Variants in RASL12 observed in about 807,000 individuals in gnomAD.
The protein encoded by RASL12 is ras-like protein family member 12.
RASL12 carries 16 observed loss-of-function variants against 22.9 expected under a neutral mutation model. That is an observed-to-expected ratio of 0.70 (90% CI 0.47 to 1.06). RASL12 has a LOEUF of 1.06. Among genes scored for constraint, RASL12 ranks in the 50% least tolerant of loss-of-function variants. The pLI, the probability that RASL12 is intolerant of heterozygous loss-of-function variation, is 0.00. For missense variants in RASL12, 306 were observed against 353.1 expected, an observed-to-expected ratio of 0.87 and a Z score of 1.07; for synonymous variants, 159 against 152.2, an observed-to-expected ratio of 1.04 and a Z score of -0.33.
intron 1 of RASL12, among the ~76,000 whole-genome samples, chr15:65,065,569 C>T (rs1397373418): frequency 6.6e-6 from 1 of 152,018 alleles, no homozygotes; most frequent in African/African-American, 2.4e-5. Flanking sequence ...GGGTCAGGAC[C>T]CATGCAACCA....
downstream of RASL12, among the ~76,000 whole-genome samples, chr15:65,048,724 T>C (rs2086607632): frequency 6.6e-6 from 1 of 152,184 alleles, no homozygotes; most frequent in African/African-American, 2.4e-5. Flanking sequence ...AAATGTGTTA[T>C]TGGGTCAGGC....
intron 4 of RASL12, among the ~76,000 whole-genome samples, chr15:65,057,565 A>C (rs769846528): frequency 1.3e-3 from 199 of 152,286 alleles, no homozygotes; most frequent in Non-Finnish European, 1.9e-3. Flanking sequence ...TGGCTGCAGT[A>C]TTCTTCAGTA....
chr15:65,063,930 A>G (rs2086844775), intron 2 of RASL12, among the ~76,000 whole-genome samples: 1 of 152,108 alleles, frequency 6.6e-6, no homozygotes, highest in South Asian at 2.1e-4. Context: ...ACTGTGTCAC[A>G]AAGCCTTGGG....
At position 65,066,116 on chromosome 15, in the gene RASL12, A is replaced by G. The variant is rs532174699; in HGVS notation, c.104-843T>C. 6.1e-4 allele frequency among the ~76,000 whole-genome samples: 93 copies of G among 151,544 alleles called. 1 individual carries two copies. The highest frequency in any genetic ancestry group is 2.2e-3 in the African/African-American group (89 of 41,340). ...GAGAAGGAAAGAGAAAGAAAGAAGAAAGAGAGAGAAAGAAGAAAGAAAAAA... is the reference window on the plus strand; with the variant it reads ...GAGAAGGAAAGAGAAAGAAAGAAGAGAGAGAGAGAAAGAAGAAAGAAAAAA... On this transcript the variant is annotated intron_variant, in intron 1 of 4. Coordinates refer to ENST00000220062, the MANE Select transcript of RASL12 (RefSeq NM_016563.4).
At chr15:65,048,641 A>G (rs1312528765), downstream of RASL12, among the ~76,000 whole-genome samples, 3 of 152,150 alleles carry the variant, frequency 2.0e-5, no homozygotes, top group Non-Finnish European at 4.4e-5. Context: ...AGTTACGTTT[A>G]TCTCCATTCC....
At chr15:65,075,060 GC>G (rs1462408621) in intron 1 of RASL12, among the ~76,000 whole-genome samples, 1 of 152,204 alleles carries the variant, frequency 6.6e-6, no homozygotes, top group Non-Finnish European at 1.5e-5. Context: ...TGCGTGTGGC[GC>G]TTGCGGGCCA....
intron 4 of RASL12, among the ~76,000 whole-genome samples, chr15:65,057,811 T>C (rs2086750913): frequency 6.6e-6 from 1 of 152,176 alleles, no homozygotes; most frequent in South Asian, 2.1e-4. Context: ...GAAGGTCAGA[T>C]AGATTCATGC....
chr15:65,049,082 T>A (rs1318363626), downstream of RASL12: 2 of 151,918 alleles, frequency 1.3e-5, no homozygotes, highest in East Asian at 3.9e-4. Context: ...TTGTCAAAAT[T>A]AATTTTACCT....
intron 4 of RASL12, among the ~76,000 whole-genome samples, chr15:65,056,248 G>A (rs1331195801): frequency 6.6e-6 from 1 of 152,194 alleles, no homozygotes; most frequent in Non-Finnish European, 1.5e-5. Flanking sequence ...GATGAGAGGA[G>A]GCACTCGAGT....
At chr15:65,048,882 C>T (rs964671026), downstream of RASL12, among the ~76,000 whole-genome samples, 2 of 151,882 alleles carry the variant, frequency 1.3e-5, no homozygotes, top group Admixed American at 6.6e-5. Flanking sequence ...TAGTGACATG[C>T]GCCTGTAATT....
downstream of RASL12, chr15:65,051,439 C>T (rs2086651546): frequency 2.1e-6 from 3 of 1,424,122 alleles, no homozygotes; most frequent in South Asian, 1.2e-5. Context: ...GGGTCTGAGC[C>T]CAGGCCCCAG....
downstream of RASL12, among the ~76,000 whole-genome samples, chr15:65,050,901 G>A (rs2086645478): frequency 2.9e-5 from 4 of 136,520 alleles, no homozygotes; most frequent in Admixed American, 3.3e-4. Context: ...CTGGAGTGCA[G>A]TGGTGCAATC....
intron 4 of RASL12, 75 bp from the exon 5 acceptor site, chr15:65,055,349 A>G: frequency 7.3e-7 from 1 of 1,365,160 alleles, no homozygotes; most frequent in African/African-American, 1.5e-5. Flanking sequence ...TCCTACACCC[A>G]GCGCCCCATG....
chr15:65,075,709 T>C lies in RASL12; in HGVS notation c.70+820A>G, dbSNP rs958617654. On this transcript the variant is annotated intron_variant, in intron 1 of 4. Transcript: ENST00000434605. The stretch of plus-strand genomic sequence containing the variant: ...GCTCAGGGATTGTAAATACACCAAT[T>C]GGCACTCTGTATCTAGCTCAAGGTT... 6.4e-3 allele frequency among the ~76,000 whole-genome samples: 717 copies of C among 111,418 alleles called. 1 individual carries two copies. Among genetic ancestry groups the C allele is most frequent in the Non-Finnish European group, 7.6e-3 (397 of 52,126 alleles). The allele number at this position is 111,418 out of a possible 152,430, so 73.1% of individuals were successfully genotyped here. A position where few individuals can be genotyped will look rare whatever the true frequency, so the allele number is the denominator to read the frequency against.
At chr15:65,063,837 C>T (rs1319615625) in intron 2 of RASL12, among the ~76,000 whole-genome samples, 1 of 152,220 alleles carries the variant, frequency 6.6e-6, no homozygotes, top group Non-Finnish European at 1.5e-5. Flanking sequence ...GGGCTGGGCA[C>T]CACTAGGGTA....
At chr15:65,063,722 AG>A (rs35358771) in intron 2 of RASL12, among the ~76,000 whole-genome samples, 55,203 of 152,160 alleles carry the variant, frequency 0.36, 10,883 homozygotes, top group South Asian at 0.55. Flanking sequence ...ATCTGGAAGA[AG>A]GGATTCTGCT....
At chr15:65,073,255 C>T (rs2086943834) in intron 1 of RASL12, among the ~76,000 whole-genome samples, 2 of 152,090 alleles carry the variant, frequency 1.3e-5, no homozygotes, top group Admixed American at 6.6e-5. Context: ...ATTTATTGTG[C>T]ATTTTATTTC....
rs1478173906 is a variant in RASL12, at chr15:65,054,820, G to C, written c.*79C>G. ...GGGTCTGCTGTCCATCAGACGGAAA[G>C]GCTGGTGGTGAGAAGCCAGTCCCTG... On this transcript the variant is annotated 3_prime_UTR_variant, in exon 5 of 5. Transcript: ENST00000220062. 6.5e-7 allele frequency: 1 copy of C among 1,531,230 alleles called. No individual in the cohort carries two copies. Among genetic ancestry groups the C allele is most frequent in the Non-Finnish European group, 8.8e-7 (1 of 1,140,420 alleles). The allele number at this position is 1,531,230 out of a possible 1,614,324, so 94.9% of individuals were successfully genotyped here.
At chr15:65,070,200 G>A (rs2086921927), upstream of RASL12, among the ~76,000 whole-genome samples, 1 of 152,236 alleles carries the variant, frequency 6.6e-6, no homozygotes, top group Admixed American at 6.5e-5. Flanking sequence ...CCCAGGAGAT[G>A]GAGGCTGCAA....
Sources: allele counts gnomAD v4.1 joint callset (sites outside exome capture counted in the v4.1 genomes callset), GRCh38; gene constraint gnomAD v4.1.1; transcripts MANE v1.5; gene names NCBI Gene and HGNC (gene_info 2026-07-23, HGNC 2026-07-21).